The following TCF25 variants were observed in gnomAD, a reference collection of about 807,000 sequenced individuals.
TCF25 encodes the protein ribosome quality control complex subunit TCF25.
TCF25 carries 41 observed loss-of-function variants against 83.1 expected under a neutral mutation model. That is an observed-to-expected ratio of 0.49 (90% CI 0.38 to 0.64). TCF25 has a LOEUF of 0.64. Among genes scored for constraint, TCF25 ranks in the 30% least tolerant of loss-of-function variants. TCF25 has a pLI of 0.00. For missense variants in TCF25, 979 were observed against 914.5 expected (o/e 1.07, Z -0.91); for synonymous variants, 458 against 365.0 (o/e 1.25, Z -2.90).
chr16:89,907,451 GGCTCCCA>G (rs2044939893), intron 16 of TCF25, 129 bp downstream of exon 16: 1 of 31,002 alleles, frequency 3.2e-5, no homozygotes. Flanking sequence ...CCCGGCTCCT[GGCTCCCA>G]CCTCCCTCCT....
At chr16:89,881,283 G>T (rs978113754) in intron 1 of TCF25, among the ~76,000 whole-genome samples, 2 of 152,084 alleles carry the variant, frequency 1.3e-5, no homozygotes, top group African/African-American at 4.8e-5. Context: ...CTATCTCAGG[G>T]CTATGGGGCT....
intron 8 of TCF25, 130 bp downstream of exon 8, chr16:89,895,267 G>T: frequency 1.2e-6 from 1 of 808,164 alleles, no homozygotes; most frequent in East Asian, 2.8e-5. Flanking sequence ...TACAACCTAC[G>T]TAGCACAAAA....
At chr16:89,910,853 C>T (rs1207219479) in intron 17 of TCF25, among the ~76,000 whole-genome samples, 190 bp downstream of exon 17, 1 of 152,254 alleles carries the variant, frequency 6.6e-6, no homozygotes, top group Non-Finnish European at 1.5e-5. Context: ...CAGATGGTAG[C>T]AGATGCAGGG....
rs2045537582 is a variant in TCF25 at position 89,911,333 on chromosome 16, G to A, written c.*95G>A. ...GTTGCCTGAAGTAGGGAAGCTGAGT[G>A]TGTCGCTCCCTGGTCCACTGTTTCT... On this transcript the variant is annotated 3_prime_UTR_variant, in exon 18 of 18. Transcript: ENST00000263346. The A allele has an allele frequency of 1.3e-6, 2 of 1,505,056 alleles. No homozygotes were observed. The highest frequency in any genetic ancestry group is 1.8e-6 in the Non-Finnish European group (2 of 1,098,902). 93.2% of individuals were successfully genotyped at this position (1,505,056 alleles called of 1,614,324 possible). A position where few individuals can be genotyped will look rare whatever the true frequency, so the allele number is the denominator to read the frequency against.
At chr16:89,882,035 G>C (rs570221894) in intron 1 of TCF25, among the ~76,000 whole-genome samples, 5 of 152,288 alleles carry the variant, frequency 3.3e-5, no homozygotes, top group Admixed American at 3.3e-4. Flanking sequence ...TTACAGGGGT[G>C]CACCGCCACC....
At chr16:89,883,589 T>C in intron 2 of TCF25, 77 bp downstream of exon 2, 1 of 1,452,772 alleles carries the variant, frequency 6.9e-7, no homozygotes, top group South Asian at 1.3e-5. Flanking sequence ...TCCTGTGCTG[T>C]GATTTTCCTT....
At chr16:89,875,668 G>A (rs1434123892) in intron 1 of TCF25, among the ~76,000 whole-genome samples, 6 of 150,366 alleles carry the variant, frequency 4.0e-5, no homozygotes, top group African/African-American at 1.2e-4. Context: ...GAACACAGGC[G>A]CCCGCCACCA....
chr16:89,895,984 C>T lies in TCF25; in HGVS notation c.929-6C>T, dbSNP rs1433899119. 3 of 1,613,386 alleles carry T rather than the reference C, an allele frequency of 1.9e-6. No individual in the cohort carries two copies. In the East Asian group the frequency reaches 6.7e-5, roughly 36 times the overall value. ...ACACCCTCCCCTGGCGTCCCTGTGC[C>T]CACAGAGAGAGCGCTGTACAGCATG... On this transcript the variant is annotated splice_region_variant and splice_polypyrimidine_tract_variant and intron_variant, in intron 8 of 17. Transcript: ENST00000263346.
chr16:89,876,250 C>T lies in TCF25; in HGVS notation c.192+2391C>T, dbSNP rs1421085957. 3.3e-5 allele frequency among the ~76,000 whole-genome samples: 5 copies of T among 152,202 alleles called. 1 individual carries two copies. The highest frequency in any genetic ancestry group is 4.1e-4 in the South Asian group (2 of 4,824). On this transcript the variant is annotated intron_variant, in intron 1 of 17. Transcript: ENST00000263346. ...TGGCACACATCAGTCTTAATTTAAG[C>T]ATTCCATACTTTTTTGCTCTTAAAA...
chr16:89,881,731 C>T (rs2042623139), intron 1 of TCF25, among the ~76,000 whole-genome samples: 1 of 151,992 alleles, frequency 6.6e-6, no homozygotes, highest in South Asian at 2.1e-4. Flanking sequence ...AGGCATGAGC[C>T]ACCACACCCA....
rs910938210 is a variant in TCF25, at chr16:89,886,491, G to A, written c.548+525G>A. Among the ~76,000 whole-genome samples the A allele has an allele frequency of 9.6e-4, 145 of 151,756 alleles. 2 individuals are homozygous for A. The highest frequency in any genetic ancestry group is 9.2e-3 in the Admixed American group (140 of 15,222). On this transcript the variant is annotated intron_variant, in intron 4 of 17. Transcript: ENST00000263346. The stretch of plus-strand genomic sequence containing the variant: ...CTCATTTAGGAAATAGGCCGGGCCC[G>A]GTGGCTCACGCCTGTAATCCCAGCA...
At chr16:89,877,644 A>C (rs999295539) in intron 1 of TCF25, among the ~76,000 whole-genome samples, 1 of 152,198 alleles carries the variant, frequency 6.6e-6, no homozygotes, top group African/African-American at 2.4e-5. Context: ...CTAATCAAAG[A>C]GGGGAATGCA....
intron 2 of TCF25, chr16:89,884,170 G>A (rs1024283313): frequency 2.1e-5 from 4 of 193,860 alleles, no homozygotes; most frequent in Non-Finnish European, 4.3e-5. Context: ...GGCTTCCTGA[G>A]GAGCCTTCCT....
At position 89,885,747 on chromosome 16, in the gene TCF25, A is replaced by G. The variant is rs912597190; in HGVS notation, c.430-101A>G. The G allele has an allele frequency of 1.6e-5, 15 of 942,494 alleles. No individual in the cohort carries two copies. In the African/African-American group the frequency reaches 2.5e-4, roughly 15 times the overall value. The allele number at this position is 942,494 out of a possible 1,614,324, so 58.4% of individuals were successfully genotyped here. A position where few individuals can be genotyped will look rare whatever the true frequency, so the allele number is the denominator to read the frequency against. ...TTATGCTGTCCTTTAGGAAGTAAAT[A>G]CAGTGTAATAGGTCTCTTTTAAGAT... is the stretch of plus-strand genomic sequence containing the variant. On this transcript the variant is annotated intron_variant, in intron 3 of 17. Transcript: ENST00000263346.
At chr16:89,881,639 C>G (rs1293710807) in intron 1 of TCF25, among the ~76,000 whole-genome samples, 3 of 151,994 alleles carry the variant, frequency 2.0e-5, no homozygotes, top group Non-Finnish European at 4.4e-5. Context: ...GAGATGGGGT[C>G]TCACTGTATT....
chr16:89,881,559 GTCC>G (rs1567697415), intron 1 of TCF25, among the ~76,000 whole-genome samples: 3 of 151,804 alleles, frequency 2.0e-5, no homozygotes, highest in Admixed American at 6.6e-5. Flanking sequence ...GGCTCACGCA[GTCC>G]TCCTCAGCCG....
At chr16:89,891,079 C>G (rs1006899094) in intron 5 of TCF25, among the ~76,000 whole-genome samples, 17 of 152,180 alleles carry the variant, frequency 1.1e-4, no homozygotes, top group African/African-American at 3.6e-4. Flanking sequence ...GCTCATCGCC[C>G]CCGCACTTCA....
chr16:89,880,312 G>A (rs879307770), intron 1 of TCF25, among the ~76,000 whole-genome samples: 22 of 152,188 alleles, frequency 1.4e-4, no homozygotes, highest in Admixed American at 5.2e-4. Flanking sequence ...GGCCGGGCGC[G>A]GTGGCTCACG....
Position 89,904,211 on chromosome 16 carries a change from G to A in TCF25, c.1469+6G>A. The A allele has an allele frequency of 6.4e-7, 1 of 1,561,406 alleles. No homozygotes were observed. The highest frequency in any genetic ancestry group is 8.7e-7 in the Non-Finnish European group (1 of 1,152,290). ...GGACCCAATGCTGAAATAAGGTAAAGAGTGGCTGGTGGTGCCCATCTGTGG... is the reference window on the plus strand; with the variant it reads ...GGACCCAATGCTGAAATAAGGTAAAAAGTGGCTGGTGGTGCCCATCTGTGG... On this transcript the variant is annotated splice_donor_region_variant and intron_variant, in intron 13 of 17. Coordinates refer to ENST00000263346, the MANE Select transcript of TCF25 (RefSeq NM_014972.3).
Sources: allele counts gnomAD v4.1 joint callset (sites outside exome capture counted in the v4.1 genomes callset), GRCh38; gene constraint gnomAD v4.1.1; transcripts MANE v1.5; gene names NCBI Gene and HGNC (gene_info 2026-07-23, HGNC 2026-07-21).